The following ITGBL1 variants were observed in gnomAD, a reference collection of about 807,000 sequenced individuals.
The protein encoded by ITGBL1 is integrin beta-like protein 1.
In ITGBL1, 51 loss-of-function variants were observed where a neutral mutation model predicts 68.5. The observed-to-expected ratio is 0.74, with a 90% confidence interval of 0.59 to 0.94. The LOEUF is 0.94. ITGBL1 is among the 40% of genes least tolerant of loss of function. ITGBL1 has a pLI of 0.00. For missense variants in ITGBL1, 649 were observed against 647.4 expected (o/e 1.00, Z -0.03); for synonymous variants, 209 against 227.3 (o/e 0.92, Z 0.72).
At chr13:101,561,734 A>G (rs1188545992) in intron 2 of ITGBL1, among the ~76,000 whole-genome samples, 1 of 152,194 alleles carries the variant, frequency 6.6e-6, no homozygotes, top group Non-Finnish European at 1.5e-5. Context: ...ATTGAATTCT[A>G]TATCCAGCAA....
chr13:101,593,968 A>G (rs975556312), intron 6 of ITGBL1, among the ~76,000 whole-genome samples: 1 of 152,126 alleles, frequency 6.6e-6, no homozygotes, highest in Non-Finnish European at 1.5e-5. Context: ...GAAATACCCT[A>G]ATTTGATCAT....
intron 7 of ITGBL1, among the ~76,000 whole-genome samples, chr13:101,637,380 G>A (rs975386552): frequency 2.2e-5 from 3 of 138,668 alleles, no homozygotes; most frequent in African/African-American, 8.3e-5. Context: ...GTCTCACTCT[G>A]TCACCCAGGC....
intron 2 of ITGBL1, among the ~76,000 whole-genome samples, chr13:101,485,709 G>A (rs561490474): frequency 1.5e-4 from 23 of 152,134 alleles, no homozygotes; most frequent in Admixed American, 6.5e-4. Flanking sequence ...GGAGAATGGC[G>A]TGAACCCGGG....
chr13:101,457,550 CTT>C (rs1691922762), intron 2 of ITGBL1, among the ~76,000 whole-genome samples: 1 of 152,166 alleles, frequency 6.6e-6, no homozygotes, highest in South Asian at 2.1e-4. Context: ...CTTCCACAGA[CTT>C]TTATAGCATA....
chr13:101,585,556 G>A (rs923999006), intron 6 of ITGBL1, among the ~76,000 whole-genome samples: 5 of 152,010 alleles, frequency 3.3e-5, no homozygotes, highest in African/African-American at 4.8e-5. Context: ...TCAGCCTCCC[G>A]AGCAGCTGGG....
intron 7 of ITGBL1, among the ~76,000 whole-genome samples, chr13:101,627,352 C>A (rs1005744018): frequency 3.9e-5 from 6 of 151,916 alleles, no homozygotes; most frequent in Admixed American, 3.9e-4. Context: ...ACAGGGAGAT[C>A]CCATATACTC....
chr13:101,525,204 A>G (rs1248265341), intron 2 of ITGBL1, among the ~76,000 whole-genome samples: 1 of 152,140 alleles, frequency 6.6e-6, no homozygotes, highest in Non-Finnish European at 1.5e-5. Context: ...AAATAATTGT[A>G]TAGAAAAATG....
intron 2 of ITGBL1, chr13:101,489,911 C>T: frequency 7.6e-7 from 1 of 1,308,036 alleles, no homozygotes; most frequent in Non-Finnish European, 1.1e-6. Flanking sequence ...GTGACGGTTG[C>T]TAGCTTTTAG....
intron 2 of ITGBL1, among the ~76,000 whole-genome samples, chr13:101,457,804 AC>A (rs2048265369): frequency 6.6e-6 from 1 of 152,136 alleles, no homozygotes; most frequent in Non-Finnish European, 1.5e-5. Context: ...TGACAGAACG[AC>A]ACTCCATCAC....
intron 2 of ITGBL1, among the ~76,000 whole-genome samples, chr13:101,499,656 C>G (rs1353504053): frequency 6.6e-6 from 1 of 152,170 alleles, no homozygotes; most frequent in Non-Finnish European, 1.5e-5. Context: ...CTTCCCCTGT[C>G]CCTTTAGTGT....
chr13:101,693,027 C>A, intron 8 of ITGBL1: 1 of 208,728 alleles, frequency 4.8e-6, no homozygotes, highest in Non-Finnish European at 9.7e-6. Context: ...TTTATAAACA[C>A]TGGTAGGAGA....
At chr13:101,565,909 A>G (rs1463349167) in intron 2 of ITGBL1, among the ~76,000 whole-genome samples, 1 of 152,056 alleles carries the variant, frequency 6.6e-6, no homozygotes, top group Non-Finnish European at 1.5e-5. Flanking sequence ...TATCCTGTAT[A>G]CATTTTGTTT....
chr13:101,563,683 T>G lies in ITGBL1; in HGVS notation c.317-4016T>G, dbSNP rs1006068568. Among the ~76,000 whole-genome samples, 6 of 151,972 alleles carry G rather than the reference T, an allele frequency of 3.9e-5. No homozygotes were observed. In the South Asian group the frequency reaches 1.2e-3, roughly 31 times the overall value. On this transcript the variant is annotated intron_variant, in intron 2 of 10. Transcript: ENST00000376180. ...ATTTGTAAAAATGAATATTCTAGGC[T>G]CCAATGATTTTACTAGCAAATTCTA...
At chr13:101,605,018 G>A (rs1468003435) in intron 7 of ITGBL1, among the ~76,000 whole-genome samples, 1 of 135,070 alleles carries the variant, frequency 7.4e-6, no homozygotes, top group Non-Finnish European at 1.6e-5. Flanking sequence ...ATGCGTATAT[G>A]TGTATATGTA....
chr13:101,618,395 T>G (rs1421078484), intron 7 of ITGBL1, among the ~76,000 whole-genome samples: 1 of 152,148 alleles, frequency 6.6e-6, no homozygotes, highest in Non-Finnish European at 1.5e-5. Flanking sequence ...CTTTATTACG[T>G]TTTAAAATCC....
chr13:101,531,576 A>G (rs1594870068), intron 2 of ITGBL1, among the ~76,000 whole-genome samples: 2 of 141,708 alleles, frequency 1.4e-5, no homozygotes, highest in East Asian at 4.7e-4. Context: ...TTTCTGGAAC[A>G]CGCTACACCC....
Position 101,505,441 on chromosome 13 carries a change from G to A in ITGBL1, c.316+51341G>A, listed in dbSNP as rs528359546. Among the ~76,000 whole-genome samples the A allele has an allele frequency of 6.6e-5, 10 of 152,162 alleles. No individual in the cohort carries two copies. In the South Asian group the frequency reaches 1.0e-3, roughly 16 times the overall value. ...AATGTGATGAAATGTTGGAGAGAAG[G>A]GTGTTTATTTGCCCTGGGGACCCTA... is the stretch of plus-strand genomic sequence containing the variant. On this transcript the variant is annotated intron_variant, in intron 2 of 10. Transcript: ENST00000376180.
intron 7 of ITGBL1, among the ~76,000 whole-genome samples, chr13:101,626,654 T>C (rs1284557361): frequency 2.6e-5 from 4 of 152,324 alleles, no homozygotes; most frequent in African/African-American, 9.6e-5. Flanking sequence ...AATGAAGGAT[T>C]TGAATTTAAA....
chr13:101,452,839 T>C lies in ITGBL1; in HGVS notation c.6T>C (p.Arg2=). 6.2e-7 allele frequency: 1 copy of C among 1,613,630 alleles called. No individual in the cohort carries two copies. The highest frequency in any genetic ancestry group is 8.5e-7 in the Non-Finnish European group (1 of 1,179,618). M[R]PPGFRNFLLL... Reference sequence around the variant, plus strand: ...GAGCAGCCCAGGAGCTCAGCATGCGTCCCCCAGGCTTCAGGAACTTCTTGC... The same window carrying C: ...GAGCAGCCCAGGAGCTCAGCATGCGCCCCCCAGGCTTCAGGAACTTCTTGC... The change falls in exon 1 of 11, where the codon CGT becomes CGC. Residue 2 remains arginine (R), a synonymous_variant. Coordinates refer to ENST00000376180, the MANE Select transcript of ITGBL1 (RefSeq NM_004791.3).
Sources: allele counts gnomAD v4.1 joint callset (sites outside exome capture counted in the v4.1 genomes callset), GRCh38; gene constraint gnomAD v4.1.1; transcripts MANE v1.5; gene names NCBI Gene and HGNC (gene_info 2026-07-23, HGNC 2026-07-21).